Variants in OPHN1 observed in about 807,000 individuals in gnomAD.
OPHN1 encodes the protein oligophrenin 1, also known as oligophrenin-1.
Under a neutral mutation model 60.7 loss-of-function variants are expected in OPHN1, and 11 were observed. The observed-to-expected ratio is 0.18, with a 90% CI of 0.11 to 0.30. The LOEUF (loss-of-function observed/expected upper bound fraction) is 0.30. Among genes scored for constraint, OPHN1 ranks in the 10% least tolerant of loss-of-function variants. The pLI, the probability that OPHN1 is intolerant of heterozygous loss-of-function variation, is 1.00. For synonymous variants in OPHN1, 226 were observed against 222.6 expected (o/e 1.02, Z -0.14); for missense variants, 449 against 611.0 (o/e 0.73, Z 2.80).
At chrX:68,201,442 T>TC (rs2077534752) in intron 11 of OPHN1, among the ~76,000 whole-genome samples, 177 bp downstream of exon 11, 1 of 111,643 alleles carries the variant, frequency 9.0e-6, no homozygotes, top group Non-Finnish European at 1.9e-5. Flanking sequence ...GGGCCAGGTC[T>TC]AGCAGGGATC....
At chrX:68,238,025 TC>T (rs2077761362) in intron 5 of OPHN1, among the ~76,000 whole-genome samples, 1 of 111,762 alleles carries the variant, frequency 8.9e-6, no homozygotes, top group Non-Finnish European at 1.9e-5. Context: ...TTGAAGAAGT[TC>T]CCTTGAATTC....
chrX:68,190,549 T>G (rs1040660968), intron 15 of OPHN1, among the ~76,000 whole-genome samples: 1 of 112,129 alleles, frequency 8.9e-6, no homozygotes, highest in South Asian at 3.7e-4. Flanking sequence ...TGGTTTTGAA[T>G]AAATGAAATA....
rs779712280 is a variant in OPHN1, at chrX:68,136,291, C to CTTTTTTT, written c.1277-16966_1277-16960dup. ...AGATACTAGTATCAAAATATCTTTT[C>CTTTTTTT]TTTTTTTTTTTTTTTTTTTTTTTTG... On this transcript the variant is annotated intron_variant, in intron 15 of 24. Transcript: ENST00000355520. 5.5e-3 allele frequency among the ~76,000 whole-genome samples: 349 copies of CTTTTTTT among 64,034 alleles called. 3 individuals carry two copies. The highest frequency in any genetic ancestry group is 0.019 in the African/African-American group (268 of 14,120). 55.6% of individuals were successfully genotyped at this position (64,034 alleles called of 115,157 possible).
chrX:68,418,355 C>A (rs368334531), intron 2 of OPHN1, among the ~76,000 whole-genome samples: 2 of 111,197 alleles, frequency 1.8e-5, no homozygotes, highest in East Asian at 5.7e-4. Flanking sequence ...ACACAGGCAA[C>A]CCCGAGGAGG....
At chrX:68,235,654 A>T (rs1259561478) in intron 5 of OPHN1, among the ~76,000 whole-genome samples, 24 of 106,857 alleles carry the variant, frequency 2.2e-4, no homozygotes, top group Non-Finnish European at 4.5e-4. Flanking sequence ...CCTAGCCAAC[A>T]TGGTGAAACC....
intron 15 of OPHN1, among the ~76,000 whole-genome samples, chrX:68,178,251 T>A (rs1260479718): frequency 8.9e-6 from 1 of 111,879 alleles, no homozygotes; most frequent in African/African-American, 3.2e-5. Flanking sequence ...GAGTTCAAAA[T>A]TCAAATTGTG....
chrX:68,266,220 T>C, intron 5 of OPHN1, among the ~76,000 whole-genome samples: 1 of 110,771 alleles, frequency 9.0e-6, no homozygotes, highest in Non-Finnish European at 1.9e-5. Context: ...CCAAGACACA[T>C]AATTGTCAGA....
At position 68,315,906 on chromosome X, in the gene OPHN1, A is replaced by G. The variant is rs186116254; in HGVS notation, c.155-16810T>C. Among the ~76,000 whole-genome samples, 530 of 111,986 alleles carry G rather than the reference A, an allele frequency of 4.7e-3. 2 individuals carry two copies. Among genetic ancestry groups the G allele is most frequent in the Non-Finnish European group, 7.7e-3 (409 of 53,212 alleles). On this transcript the variant is annotated intron_variant, in intron 2 of 24. Transcript: ENST00000355520. ...CTACAAAGCATTAATGAAAGAAATTAAAGACAGAAATATATGCAAAGACAT... is the reference window on the plus strand; with the variant it reads ...CTACAAAGCATTAATGAAAGAAATTGAAGACAGAAATATATGCAAAGACAT...
chrX:68,258,374 T>C (rs1420953714), intron 5 of OPHN1, among the ~76,000 whole-genome samples: 3 of 94,289 alleles, frequency 3.2e-5, no homozygotes, highest in African/African-American at 1.3e-4. Flanking sequence ...ACATTAGGTA[T>C]ATCTCCTAAT....
At chrX:68,169,307 C>G (rs1376959187) in intron 15 of OPHN1, among the ~76,000 whole-genome samples, 2 of 111,467 alleles carry the variant, frequency 1.8e-5, no homozygotes, top group African/African-American at 3.3e-5. Context: ...AAGAACATTC[C>G]ATGCTCATGG....
intron 15 of OPHN1, among the ~76,000 whole-genome samples, chrX:68,158,727 G>A (rs1362842197): frequency 9.0e-6 from 1 of 111,564 alleles, no homozygotes; most frequent in Non-Finnish European, 1.9e-5. Flanking sequence ...AAAAACCAAG[G>A]GCATGCACTT....
chrX:68,163,464 A>G (rs1380078235), intron 15 of OPHN1, among the ~76,000 whole-genome samples: 2 of 107,619 alleles, frequency 1.9e-5, no homozygotes, highest in South Asian at 4.0e-4. Flanking sequence ...GTGTGTATAT[A>G]TACCACAATT....
chrX:68,193,908 T>C lies in OPHN1; in HGVS notation c.1183A>G (p.Asn395Asp), dbSNP rs749837689. ...VGFKFVRKCI[N>D]IIETKGIKTE... The stretch of plus-strand genomic sequence containing the variant: ...ATCTTACCTTTGGTCTCAATAATAT[T>C]GATGCACTTCCTGACAAACTTGAAG... Residue 395 changes from asparagine to aspartate, a missense_variant, in exon 14 of 25, where the codon AAT becomes GAT. Transcript: ENST00000355520. 50 of 1,206,052 alleles carry C rather than the reference T, an allele frequency of 4.1e-5. No individual in the cohort carries two copies. The highest frequency in any genetic ancestry group is 5.5e-5 in the Non-Finnish European group (49 of 891,873).
chrX:68,082,020 C>T (rs1334737700), intron 19 of OPHN1, among the ~76,000 whole-genome samples: 2 of 111,979 alleles, frequency 1.8e-5, no homozygotes, highest in African/African-American at 6.5e-5. Context: ...GCATCTTCAC[C>T]AGGAGTAGAT....
At chrX:68,057,074 C>A (rs1374624643) in intron 21 of OPHN1, among the ~76,000 whole-genome samples, 2 of 111,576 alleles carry the variant, frequency 1.8e-5, no homozygotes. Context: ...CGTTCTACAG[C>A]TGAGGAAACA....
intron 15 of OPHN1, among the ~76,000 whole-genome samples, chrX:68,125,400 G>A (rs1309465003): frequency 9.0e-6 from 1 of 111,109 alleles, no homozygotes; most frequent in Non-Finnish European, 1.9e-5. Context: ...ACAAAAAGTT[G>A]GTTTTCTGAA....
intron 2 of OPHN1, among the ~76,000 whole-genome samples, 200 bp from the exon 3 acceptor site, chrX:68,299,296 G>A (rs954233420): frequency 8.9e-6 from 1 of 111,810 alleles, no homozygotes; most frequent in Admixed American, 9.5e-5. Flanking sequence ...AAGAAAGGAT[G>A]GGGCATCTCA....
At chrX:68,297,090 C>G (rs2078099182) in intron 3 of OPHN1, among the ~76,000 whole-genome samples, 1 of 111,228 alleles carries the variant, frequency 9.0e-6, no homozygotes, top group Non-Finnish European at 1.9e-5. Context: ...AAAATCAGAC[C>G]CTTATACCAG....
At chrX:68,231,917 C>T (rs1297660790) in intron 6 of OPHN1, among the ~76,000 whole-genome samples, 1 of 111,511 alleles carries the variant, frequency 9.0e-6, no homozygotes, top group Non-Finnish European at 1.9e-5. Context: ...TACATTGGCT[C>T]CTCAATTCTA....
Sources: gnomAD v4.1 joint callset for allele counts (sites outside exome capture counted in the v4.1 genomes callset) on GRCh38, gnomAD v4.1.1 for gene constraint, MANE v1.5 for transcripts, NCBI Gene and HGNC (gene_info 2026-07-23, HGNC 2026-07-21) for gene names.